ARMH4: variants seen among roughly 807,000 people sequenced by gnomAD.
The protein encoded by ARMH4 is armadillo like helical domain containing 4, also known as armadillo-like helical domain-containing protein 4.
In ARMH4, 49 loss-of-function variants were observed where a neutral mutation model predicts 61.9. The observed-to-expected ratio is 0.79, with a 90% CI of 0.63 to 1.00. The LOEUF (loss-of-function observed/expected upper bound fraction) is 1.00. Among genes scored for constraint, ARMH4 ranks in the 50% least tolerant of loss-of-function variants. The pLI is 0.00. For synonymous variants in ARMH4, 368 were observed against 341.5 expected (o/e 1.08, Z -0.85); for missense variants, 934 against 930.0 (o/e 1.00, Z -0.06).
rs949778568 is a variant in ARMH4 at position 58,001,744 on chromosome 14, A to T, written c.*2992T>A. The stretch of plus-strand genomic sequence containing the variant: ...CCCAAGCTCCTTCCCTGGAGATTCT[A>T]ACTCATCAGGTCTGGGGCAAGGCCT... On this transcript the variant is annotated 3_prime_UTR_variant, in exon 8 of 8. Coordinates refer to ENST00000267485, the MANE Select transcript of ARMH4 (RefSeq NM_001001872.4). 3.3e-5 allele frequency: 5 copies of T among 152,116 alleles called. No homozygotes were observed. Among genetic ancestry groups the T allele is most frequent in the African/African-American group, 1.2e-4 (5 of 41,408 alleles). 9.4% of individuals were successfully genotyped at this position (152,116 alleles called of 1,614,324 possible).
intron 4 of ARMH4, among the ~76,000 whole-genome samples, chr14:58,098,667 C>A (rs1885843360): frequency 6.6e-6 from 1 of 152,082 alleles, no homozygotes; most frequent in Non-Finnish European, 1.5e-5. Context: ...ATCCTTGAGG[C>A]AGGTGTGGCC....
Position 58,147,985 on chromosome 14 carries a change from C to A in ARMH4, c.-57+4090G>T, listed in dbSNP as rs536696451. Among the ~76,000 whole-genome samples the A allele has an allele frequency of 2.6e-5, 4 of 152,308 alleles. No homozygotes were observed. In the South Asian group the frequency reaches 8.3e-4, roughly 32 times the overall value. On this transcript the variant is annotated intron_variant, in intron 1 of 7. Transcript: ENST00000267485. Reference sequence around the variant, plus strand: ...ATACCACTGGTGCCCAGTATAAACACCATCATCAGTCACATACATAGCACT... The same window carrying A: ...ATACCACTGGTGCCCAGTATAAACAACATCATCAGTCACATACATAGCACT...
chr14:58,099,097 G>A (rs113495921), intron 4 of ARMH4, among the ~76,000 whole-genome samples: 1,529 of 152,280 alleles, frequency 0.01, 28 homozygotes, highest in African/African-American at 0.034. Context: ...TAAAAGATAA[G>A]GAGTCAAAAC....
intron 5 of ARMH4, among the ~76,000 whole-genome samples, chr14:58,060,376 G>A (rs61669331): frequency 0.013 from 1,944 of 152,228 alleles, 45 homozygotes; most frequent in African/African-American, 0.045. Context: ...ATTCTAACTC[G>A]TGGAAGGCAA....
chr14:58,120,015 G>A (rs1886670394), intron 4 of ARMH4, among the ~76,000 whole-genome samples: 1 of 152,038 alleles, frequency 6.6e-6, no homozygotes, highest in African/African-American at 2.4e-5. Context: ...TCTGAGAAAT[G>A]TGTCATTAGG....
intron 5 of ARMH4, among the ~76,000 whole-genome samples, chr14:58,058,823 AC>A (rs1361711857): frequency 3.3e-5 from 5 of 152,336 alleles, no homozygotes; most frequent in Admixed American, 3.3e-4. Flanking sequence ...GAATTCACAG[AC>A]ACAGAACCCA....
At chr14:58,024,188 C>T (rs1278674029) in intron 5 of ARMH4, among the ~76,000 whole-genome samples, 4 of 152,148 alleles carry the variant, frequency 2.6e-5, no homozygotes, top group African/African-American at 9.7e-5. Flanking sequence ...TCCTATATAA[C>T]ATCTTCCAAT....
intron 5 of ARMH4, among the ~76,000 whole-genome samples, chr14:58,094,329 CAAA>C (rs759288462): frequency 1.7e-5 from 2 of 117,638 alleles, no homozygotes. Flanking sequence ...GACGCTTTCT[CAAA>C]AAAAAAAAAA....
At chr14:58,012,985 A>C (rs1882463834) in intron 5 of ARMH4, among the ~76,000 whole-genome samples, 1 of 152,352 alleles carries the variant, frequency 6.6e-6, no homozygotes, top group Admixed American at 6.5e-5. Context: ...TCAACATTGA[A>C]TGAAGATTTA....
At position 58,079,151 on chromosome 14, in the gene ARMH4, T is replaced by C. The variant is rs147648865; in HGVS notation, c.2089+17573A>G. On this transcript the variant is annotated intron_variant, in intron 5 of 7. Transcript: ENST00000267485. ...ATAACTACTTATAAAACCTAAATGATGTAAAGTATATCAAGTGCTTAGCAG... is the reference window on the plus strand; with the variant it reads ...ATAACTACTTATAAAACCTAAATGACGTAAAGTATATCAAGTGCTTAGCAG... Among the ~76,000 whole-genome samples, 1,203 of 152,320 alleles carry C rather than the reference T, an allele frequency of 7.9e-3. 23 individuals carry two copies. Among genetic ancestry groups the C allele is most frequent in the African/African-American group, 0.028 (1,150 of 41,574 alleles).
chr14:58,069,557 G>C (rs376524605), intron 5 of ARMH4, among the ~76,000 whole-genome samples: 76 of 152,310 alleles, frequency 5.0e-4, no homozygotes, highest in African/African-American at 1.7e-3. Context: ...TCCAGACATA[G>C]AGATCTGGAT....
Position 58,133,173 on chromosome 14 carries a change from A to G in ARMH4, c.1538T>C (p.Leu513Pro), listed in dbSNP as rs780546949. 1 of 1,614,172 alleles carries G rather than the reference A, an allele frequency of 6.2e-7. No homozygotes were observed. The highest frequency in any genetic ancestry group is 1.1e-5 in the South Asian group (1 of 91,082). ...GGCCAGAGGCTCCCATCTTCTTGACAGCTGAGTAACACCAGGAACGTCAGA... is the reference window on the plus strand; with the variant it reads ...GGCCAGAGGCTCCCATCTTCTTGACGGCTGAGTAACACCAGGAACGTCAGA... Reference protein sequence around the residue: ...PVSDVPGVTQLSRRWEPLATT... With the variant: ...PVSDVPGVTQPSRRWEPLATT... The change falls in exon 3 of 8, where the codon CTG becomes CCG. Residue 513 changes from leucine (L) to proline (P), a missense_variant. Physicochemically the swap from Leu to Pro is moderately conservative, Grantham distance 98. Coordinates refer to ENST00000267485, the MANE Select transcript of ARMH4 (RefSeq NM_001001872.4).
chr14:58,137,853 C>T (rs1344899245), intron 2 of ARMH4, 137 bp downstream of exon 2: 3 of 881,758 alleles, frequency 3.4e-6, no homozygotes, highest in Non-Finnish European at 5.0e-6. Flanking sequence ...TCCGAAAATG[C>T]TGGGATTATA....
intron 5 of ARMH4, among the ~76,000 whole-genome samples, chr14:58,015,283 A>G (rs1882567746): frequency 6.6e-6 from 1 of 152,188 alleles, no homozygotes; most frequent in African/African-American, 2.4e-5. Flanking sequence ...TGTTCCATTG[A>G]TCTAGTTCAG....
intron 5 of ARMH4, among the ~76,000 whole-genome samples, chr14:58,061,463 A>G (rs1046790568): frequency 6.6e-6 from 1 of 152,124 alleles, no homozygotes; most frequent in African/African-American, 2.4e-5. Flanking sequence ...CCTTTCTGAA[A>G]TCAGGACTGA....
intron 2 of ARMH4, among the ~76,000 whole-genome samples, chr14:58,135,670 G>T (rs1887278822): frequency 6.6e-6 from 1 of 151,868 alleles, no homozygotes. Flanking sequence ...TTTAAAACCT[G>T]ATCTTCAGTT....
Position 58,003,895 on chromosome 14 carries a change from G to C in ARMH4, c.*841C>G, listed in dbSNP as rs1173776720. The C allele has an allele frequency of 6.6e-6, 1 of 152,198 alleles. No homozygotes were observed. 9.4% of individuals were successfully genotyped at this position (152,198 alleles called of 1,614,324 possible). On this transcript the variant is annotated 3_prime_UTR_variant, in exon 8 of 8. Coordinates refer to ENST00000267485, the MANE Select transcript of ARMH4 (RefSeq NM_001001872.4). ...CAAATGGCAGACAGAAATGCTCTGA[G>C]AGCTTACCTACCCTCATCTCATTCT...
chr14:58,104,415 A>C (rs965144422), intron 4 of ARMH4, among the ~76,000 whole-genome samples: 1 of 152,232 alleles, frequency 6.6e-6, no homozygotes, highest in East Asian at 1.9e-4. Context: ...AGCTAGCCTG[A>C]GAAGACAGTC....
At chr14:58,139,508 C>A in intron 1 of ARMH4, 94 bp from the exon 2 acceptor site, 1 of 708,022 alleles carries the variant, frequency 1.4e-6, no homozygotes. Flanking sequence ...ATCTCCTTGA[C>A]TTTATAATAC....
Sources: gnomAD v4.1 joint callset for allele counts (sites outside exome capture counted in the v4.1 genomes callset) on GRCh38, gnomAD v4.1.1 for gene constraint, MANE v1.5 for transcripts, NCBI Gene and HGNC (gene_info 2026-07-23, HGNC 2026-07-21) for gene names.